SPRY3: variants seen among roughly 807,000 people sequenced by gnomAD.
The protein encoded by SPRY3 is protein sprouty homolog 3.
SPRY3 carries 15 observed loss-of-function variants against 20.2 expected under a neutral mutation model. The observed-to-expected ratio is 0.74, with a 90% CI of 0.50 to 1.14. The LOEUF is 1.14. Ranked by LOEUF, SPRY3 falls within the 50% of genes most tolerant of loss-of-function variation. SPRY3 has a pLI of 0.00. For synonymous variants in SPRY3, 143 were observed against 136.5 expected (o/e 1.05, Z -0.33); for missense variants, 364 against 363.9 (o/e 1.00, Z 0.00).
intron 3 of SPRY3, among the ~76,000 whole-genome samples, chrX:155,768,750 G>A (rs1035370325): frequency 6.6e-6 from 1 of 152,214 alleles, no homozygotes; most frequent in African/African-American, 2.4e-5. Flanking sequence ...TGGAGATTCT[G>A]TCAAAAGTGA....
At chrX:155,671,433 G>A (rs1307932013) in intron 2 of SPRY3, among the ~76,000 whole-genome samples, 1 of 110,860 alleles carries the variant, frequency 9.0e-6, no homozygotes, top group Non-Finnish European at 1.9e-5. Context: ...GAGGAAGCAG[G>A]AATGACCTGC....
At chrX:155,708,822 C>A (rs1287673927) in intron 2 of SPRY3, among the ~76,000 whole-genome samples, 1 of 151,260 alleles carries the variant, frequency 6.6e-6, no homozygotes, top group African/African-American at 2.4e-5. Flanking sequence ...CATTGTTATG[C>A]TATCAAATAC....
At chrX:155,661,669 T>C (rs980599869) in intron 2 of SPRY3, among the ~76,000 whole-genome samples, 4 of 112,016 alleles carry the variant, frequency 3.6e-5, no homozygotes, top group Non-Finnish European at 5.6e-5. Flanking sequence ...GGAATATCTA[T>C]GACCTTGTAT....
intron 2 of SPRY3, among the ~76,000 whole-genome samples, chrX:155,705,003 A>G (rs1213376349): frequency 1.3e-5 from 2 of 151,574 alleles, no homozygotes; most frequent in African/African-American, 4.8e-5. Context: ...ATTCTACAAG[A>G]TAAAGGAAAG....
intron 3 of SPRY3, among the ~76,000 whole-genome samples, chrX:155,768,498 G>A (rs376814067): frequency 6.6e-6 from 1 of 151,816 alleles, no homozygotes; most frequent in Non-Finnish European, 1.5e-5. Context: ...GACAGAGAGA[G>A]AGCCCGTGCT....
intron 1 of SPRY3, among the ~76,000 whole-genome samples, chrX:155,650,755 C>T (rs782005149): frequency 3.6e-5 from 4 of 111,709 alleles, no homozygotes; most frequent in Non-Finnish European, 7.5e-5. Context: ...ATCTGACATG[C>T]GGTTTGATGG....
At chrX:155,707,073 G>A (rs1228073710) in intron 2 of SPRY3, among the ~76,000 whole-genome samples, 1 of 150,746 alleles carries the variant, frequency 6.6e-6, no homozygotes, top group Non-Finnish European at 1.5e-5. Context: ...GTTTCTGAAG[G>A]TGGAAGTTTA....
intron 1 of SPRY3, among the ~76,000 whole-genome samples, chrX:155,645,035 T>C (rs1169934360): frequency 1.8e-5 from 2 of 111,420 alleles, no homozygotes; most frequent in African/African-American, 6.5e-5. Context: ...ACCCAAGGGC[T>C]CTTCAGTCAT....
chrX:155,618,829 A>G (rs1189978611), intron 1 of SPRY3, among the ~76,000 whole-genome samples: 1 of 111,828 alleles, frequency 8.9e-6, no homozygotes, highest in Non-Finnish European at 1.9e-5. Context: ...CTTATTTTCT[A>G]TCTGTATATA....
chrX:155,705,604 G>A (rs1474174289), intron 2 of SPRY3, among the ~76,000 whole-genome samples: 3 of 151,230 alleles, frequency 2.0e-5, no homozygotes, highest in Admixed American at 6.6e-5. Flanking sequence ...CCAACTATAC[G>A]TTGTCTACAA....
chrX:155,683,634 A>G (rs2068079821), intron 2 of SPRY3, among the ~76,000 whole-genome samples: 1 of 112,128 alleles, frequency 8.9e-6, no homozygotes, highest in Admixed American at 9.5e-5. Flanking sequence ...TGGTATGAAC[A>G]TGAACCCACA....
intron 2 of SPRY3, among the ~76,000 whole-genome samples, chrX:155,750,531 A>G (rs1234919289): frequency 6.6e-6 from 1 of 151,992 alleles, no homozygotes; most frequent in Non-Finnish European, 1.5e-5. Context: ...CTGAAAGCCA[A>G]GTAAAGAAAG....
chrX:155,733,555 T>A (rs886999304), intron 2 of SPRY3, among the ~76,000 whole-genome samples: 39 of 151,960 alleles, frequency 2.6e-4, no homozygotes, highest in Non-Finnish European at 5.3e-4. Context: ...TGTAGCATAA[T>A]TTTTAAGGGC....
intron 2 of SPRY3, among the ~76,000 whole-genome samples, chrX:155,671,385 G>T (rs1008777100): frequency 3.6e-5 from 4 of 110,532 alleles, no homozygotes; most frequent in South Asian, 3.8e-4. Context: ...AATGTCCAGG[G>T]GATGGGGGTA....
At chrX:155,769,542 TAA>T (rs34648235) in intron 3 of SPRY3, among the ~76,000 whole-genome samples, 1 of 151,206 alleles carries the variant, frequency 6.6e-6, no homozygotes, top group South Asian at 2.1e-4. Flanking sequence ...TTTGAGTTTT[TAA>T]AAAAAAAATC....
At chrX:155,685,193 C>T (rs1475606286) in intron 2 of SPRY3, among the ~76,000 whole-genome samples, 1 of 111,448 alleles carries the variant, frequency 9.0e-6, no homozygotes, top group Non-Finnish European at 1.9e-5. Context: ...TCAGCACTTT[C>T]TTATCTCCTT....
exon 4 of SPRY3, chrX:155,774,676 G>A: frequency 6.2e-7 from 1 of 1,613,940 alleles, no homozygotes; most frequent in East Asian, 2.2e-5. Context: ...CACCAACACT[G>A]TGTGCAGAAA....
At chrX:155,744,327 G>A (rs1243499935) in intron 2 of SPRY3, among the ~76,000 whole-genome samples, 1 of 152,052 alleles carries the variant, frequency 6.6e-6, no homozygotes, top group Non-Finnish European at 1.5e-5. Flanking sequence ...CTCTTGCAAG[G>A]ACAGACAGAC....
chrX:155,713,813 A>G (rs1013692420), intron 2 of SPRY3, among the ~76,000 whole-genome samples: 1 of 152,116 alleles, frequency 6.6e-6, no homozygotes, highest in African/African-American at 2.4e-5. Context: ...CCTTCTCTTT[A>G]AGGCCAATAA....
Sources: gnomAD v4.1 joint callset for allele counts (sites outside exome capture counted in the v4.1 genomes callset) on GRCh38, gnomAD v4.1.1 for gene constraint, MANE v1.5 for transcripts, NCBI Gene and HGNC (gene_info 2026-07-23, HGNC 2026-07-21) for gene names.